Variants in CDK20 observed in about 807,000 individuals in gnomAD.
CDK20 encodes cyclin-dependent kinase 20.
In CDK20, 40 loss-of-function variants were observed where a neutral mutation model predicts 38.6. The observed-to-expected ratio is 1.04, with a 90% CI of 0.81 to 1.35. CDK20 has a LOEUF of 1.35. Among genes scored for constraint, CDK20 ranks in the 40% most tolerant of loss-of-function variants. The probability of loss-of-function intolerance (pLI) is 0.00; values close to 1 mark genes in which losing one functional copy is unlikely to be tolerated. For missense variants in CDK20, 512 were observed against 452.6 expected (o/e 1.13, Z -1.19); for synonymous variants, 209 against 185.7 (o/e 1.13, Z -1.02).
At chr9:87,969,767 C>T in intron 6 of CDK20, 29 bp downstream of exon 6, 2 of 1,613,168 alleles carry the variant, frequency 1.2e-6, no homozygotes, top group Admixed American at 1.7e-5. Context: ...ACCTGCCCCA[C>T]ACCCACCTCA....
chr9:87,971,326 G>A lies in CDK20; in HGVS notation c.199C>T (p.Leu67=), dbSNP rs1829846873. 1 of 1,612,430 alleles carries A rather than the reference G, an allele frequency of 6.2e-7. No individual in the cohort carries two copies. The highest frequency in any genetic ancestry group is 1.1e-5 in the South Asian group (1 of 90,764). ...CCACCGTGTGGGAACACAGCCTTCA[G>A]TTGTACCACCTGTGGGCAGGACATC... ...EMEDNQYVVQ[L]KAVFPHGGGF... is the part of the protein sequence containing the mutation. Residue 67 remains leucine (L), a synonymous_variant, in exon 3 of 8, where the codon CTG becomes TTG. Coordinates refer to ENST00000325303, the MANE Select transcript of CDK20 (RefSeq NM_001039803.3).
In CDK20 at chr9:87,967,188, A is replaced by C. The variant is rs749781165; in HGVS notation, c.*274T>G. ...CAGGCCTTGACTGGCAGCAGAGCTC[A>C]CTGTCCTGATGGGTACGTCAGTAGC... On this transcript the variant is annotated 3_prime_UTR_variant, in exon 8 of 8. Transcript: ENST00000325303. 3 of 675,600 alleles carry C rather than the reference A, an allele frequency of 4.4e-6. No individual in the cohort carries two copies. In the East Asian group the frequency reaches 9.0e-5, roughly 20 times the overall value. The allele number at this position is 675,600 out of a possible 1,614,324, so 41.9% of individuals were successfully genotyped here.
At chr9:87,967,828 T>A in intron 7 of CDK20, 169 bp from the exon 8 acceptor site, 1 of 583,170 alleles carries the variant, frequency 1.7e-6, no homozygotes, top group Non-Finnish European at 2.9e-6. Flanking sequence ...ACATAGCCGT[T>A]AATAAAACAG....
chr9:87,971,433 T>C, intron 2 of CDK20, 98 bp from the exon 3 acceptor site: 1 of 1,116,274 alleles, frequency 9.0e-7, no homozygotes, highest in Non-Finnish European at 1.3e-6. Context: ...GGACCCTGTA[T>C]CCAAAAAGAC....
chr9:87,967,511 TC>T lies in CDK20; in HGVS notation c.991del (p.Glu331SerfsTer4). The T allele has an allele frequency of 6.4e-7, 1 of 1,556,434 alleles. No homozygotes were observed. Among genetic ancestry groups the T allele is most frequent in the Middle Eastern group, 1.7e-4 (1 of 5,998 alleles). On this transcript the variant is annotated frameshift_variant, in exon 8 of 8. Transcript: ENST00000325303. LOFTEE classifies it high-confidence loss of function. ...HDFHVDRPLE[E>X]SLLNPELIRP... is the part of the protein sequence containing the mutation. ...AATCAGCTCTGGGTTCAACAGCGACTCCTCAAGAGGCCGGTCCACGTGGAAG... is the reference window on the plus strand; with the variant it reads ...AATCAGCTCTGGGTTCAACAGCGACTCTCAAGAGGCCGGTCCACGTGGAAG...
intron 2 of CDK20, among the ~76,000 whole-genome samples, chr9:87,973,153 G>A (rs2118324382): frequency 6.6e-6 from 1 of 152,232 alleles, no homozygotes; most frequent in East Asian, 1.9e-4. Flanking sequence ...ACCCAACCCT[G>A]TTAACTCTCC....
At chr9:87,969,651 C>CCCA (rs1309801364) in intron 6 of CDK20, 145 bp downstream of exon 6, 1 of 1,310,910 alleles carries the variant, frequency 7.6e-7, no homozygotes, top group African/African-American at 1.5e-5. Flanking sequence ...AGGAGGAAGC[C>CCCA]CTGAGTTGGG....
rs1249592560 is a variant in CDK20, at chr9:87,967,227, G to C, written c.*235C>G. The C allele has an allele frequency of 1.4e-6, 1 of 691,512 alleles. No homozygotes were observed. Among genetic ancestry groups the C allele is most frequent in the African/African-American group, 1.7e-5 (1 of 57,616 alleles). The allele number at this position is 691,512 out of a possible 1,614,324, so 42.8% of individuals were successfully genotyped here. On this transcript the variant is annotated 3_prime_UTR_variant, in exon 8 of 8. Coordinates refer to ENST00000325303, the MANE Select transcript of CDK20 (RefSeq NM_001039803.3). ...TACGTCAGTAGCACACAGAAGGTAA[G>C]GCTCACCGAGCACAGGCCATGAATC...
At chr9:87,968,983 A>C in intron 7 of CDK20, 1 of 570,138 alleles carries the variant, frequency 1.8e-6, no homozygotes. Flanking sequence ...CCTCAGGGGA[A>C]GTCTGGGGAT....
At chr9:87,969,500 C>T (rs746377657) in intron 6 of CDK20, 151 bp from the exon 7 acceptor site, 7 of 876,516 alleles carry the variant, frequency 8.0e-6, no homozygotes, top group Non-Finnish European at 1.0e-5. Flanking sequence ...ATTCACTCAC[C>T]CACCCCTGTA....
At chr9:87,973,178 A>C (rs1829982559) in intron 2 of CDK20, among the ~76,000 whole-genome samples, 1 of 152,174 alleles carries the variant, frequency 6.6e-6, no homozygotes, top group South Asian at 2.1e-4. Context: ...AGTCAAATAC[A>C]TTCCCTATTT....
At position 87,969,349 on chromosome 9, in the gene CDK20, C is replaced by T. The variant is rs1243307343; in HGVS notation, c.688G>A (p.Glu230Lys). Reference protein sequence around the residue: ...LGTPNPQVWPELTELPDYNKI... With the variant: ...LGTPNPQVWPKLTELPDYNKI... ...TTGTAGTCCGGCAGCTCAGTGAGCTCCTGGGCCAGGGAGAAGGAACAGGGT... is the reference window on the plus strand; with the variant it reads ...TTGTAGTCCGGCAGCTCAGTGAGCTTCTGGGCCAGGGAGAAGGAACAGGGT... The change falls in exon 7 of 8, where the codon GAG (glutamate) becomes AAG (lysine). Residue 230 changes from glutamate to lysine, a missense_variant and splice_region_variant. Coordinates refer to ENST00000325303, the MANE Select transcript of CDK20 (RefSeq NM_001039803.3). 1.2e-6 allele frequency: 2 copies of T among 1,613,676 alleles called. No homozygotes were observed. The highest frequency in any genetic ancestry group is 1.7e-6 in the Non-Finnish European group (2 of 1,179,884).
At chr9:87,973,092 A>G (rs764272128) in intron 2 of CDK20, among the ~76,000 whole-genome samples, 6 of 152,244 alleles carry the variant, frequency 3.9e-5, no homozygotes, top group Admixed American at 2.0e-4. Context: ...ACAAAATTTT[A>G]TAACATGCTT....
chr9:87,969,358 G>C lies in CDK20; in HGVS notation c.688-9C>G, dbSNP rs1016957926. ...GGCAGCTCAGTGAGCTCCTGGGCCA[G>C]GGAGAAGGAACAGGGTACAATGAGA... On this transcript the variant is annotated splice_polypyrimidine_tract_variant and intron_variant, in intron 6 of 7. Coordinates refer to ENST00000325303, the MANE Select transcript of CDK20 (RefSeq NM_001039803.3). The C allele has an allele frequency of 1.6e-5, 26 of 1,613,504 alleles. No homozygotes were observed. The highest frequency in any genetic ancestry group is 1.6e-4 in the Middle Eastern group (1 of 6,078).
In CDK20 at chr9:87,971,344, A is replaced by C; in HGVS notation, c.190-9T>G. 6.2e-7 allele frequency: 1 copy of C among 1,606,378 alleles called. No homozygotes were observed. Among genetic ancestry groups the C allele is most frequent in the Non-Finnish European group, 8.5e-7 (1 of 1,175,804 alleles). ...GCCTTCAGTTGTACCACCTGTGGGC[A>C]GGACATCTTGTTAGCCCCCAGACTC... On this transcript the variant is annotated splice_polypyrimidine_tract_variant and intron_variant, in intron 2 of 7. Coordinates refer to ENST00000325303, the MANE Select transcript of CDK20 (RefSeq NM_001039803.3).
rs1308241340 is a variant in CDK20 at position 87,967,504 on chromosome 9, C to A, written c.999G>T (p.Leu333=). The change falls in exon 8 of 8, where the codon CTG becomes CTT. Residue 333 remains leucine (L), a synonymous_variant. Transcript: ENST00000325303. ...FHVDRPLEES[L]LNPELIRPFI... ...AGGGCCGAATCAGCTCTGGGTTCAA[C>A]AGCGACTCCTCAAGAGGCCGGTCCA... The A allele has an allele frequency of 6.4e-7, 1 of 1,556,522 alleles. No individual in the cohort carries two copies.
chr9:87,969,933 G>T lies in CDK20; in HGVS notation c.564-14C>A. The T allele has an allele frequency of 6.5e-7, 1 of 1,542,314 alleles. No homozygotes were observed. Among genetic ancestry groups the T allele is most frequent in the Non-Finnish European group, 8.8e-7 (1 of 1,142,476 alleles). Reference sequence around the variant, plus strand: ...CAGCCCACAGACCTGTGGACACAGAGCCCCAAGCAGGTCAGAGATCTCCCA... The same window carrying T: ...CAGCCCACAGACCTGTGGACACAGATCCCCAAGCAGGTCAGAGATCTCCCA... On this transcript the variant is annotated splice_polypyrimidine_tract_variant and intron_variant, in intron 5 of 7. Coordinates refer to ENST00000325303, the MANE Select transcript of CDK20 (RefSeq NM_001039803.3).
intron 6 of CDK20, 147 bp downstream of exon 6, chr9:87,969,649 G>T: frequency 7.9e-7 from 1 of 1,267,700 alleles, no homozygotes; most frequent in African/African-American, 1.5e-5. Context: ...GAAGGAGGAA[G>T]CCCTGAGTTG....
In CDK20 at chr9:87,967,240, C is replaced by A. The variant is rs752314919; in HGVS notation, c.*222G>T. On this transcript the variant is annotated 3_prime_UTR_variant, in exon 8 of 8. Coordinates refer to ENST00000325303, the MANE Select transcript of CDK20 (RefSeq NM_001039803.3). Reference sequence around the variant, plus strand: ...CACAGAAGGTAAGGCTCACCGAGCACAGGCCATGAATCTCCTCTGCTCGAC... The same window carrying A: ...CACAGAAGGTAAGGCTCACCGAGCAAAGGCCATGAATCTCCTCTGCTCGAC... The A allele has an allele frequency of 1.4e-6, 1 of 696,608 alleles. No individual in the cohort carries two copies. Among genetic ancestry groups the A allele is most frequent in the Admixed American group, 2.0e-5 (1 of 49,870 alleles). 43.2% of individuals were successfully genotyped at this position (696,608 alleles called of 1,614,324 possible).
Sources: allele counts gnomAD v4.1 joint callset (sites outside exome capture counted in the v4.1 genomes callset), GRCh38; gene constraint gnomAD v4.1.1; transcripts MANE v1.5; gene names NCBI Gene and HGNC (gene_info 2026-07-23, HGNC 2026-07-21).